STAB2: variants seen among roughly 807,000 people sequenced by gnomAD.
STAB2 encodes the protein stabilin-2.
STAB2 carries 288 observed loss-of-function variants against 338.1 expected under a neutral mutation model. The observed-to-expected ratio is 0.85, with a 90% CI of 0.77 to 0.94. The LOEUF is 0.94. Ranked by LOEUF, STAB2 falls within the 40% of genes least tolerant of loss-of-function variation. The pLI is 0.00. For missense variants in STAB2, 3,141 were observed against 3,210.1 expected, an observed-to-expected ratio of 0.98 and a Z score of 0.52; for synonymous variants, 1,202 against 1,193.3, an observed-to-expected ratio of 1.01 and a Z score of -0.15.
intron 35 of STAB2, among the ~76,000 whole-genome samples, chr12:103,704,225 A>G (rs145703383): frequency 6.6e-6 from 1 of 152,360 alleles, no homozygotes; most frequent in African/African-American, 2.4e-5. Flanking sequence ...GAAGCTGGGC[A>G]CTGGGTACAG....
At chr12:103,742,619 A>G (rs1882678317) in intron 56 of STAB2, 65 bp downstream of exon 56, 6 of 1,603,094 alleles carry the variant, frequency 3.7e-6, no homozygotes, top group East Asian at 2.2e-5. Context: ...GTCCTTGTTC[A>G]TGCCATCTGC....
Position 103,750,705 on chromosome 12 carries a change from G to C in STAB2, c.6565G>C (p.Asp2189His). ...GTGCCATGCAGACGCCAAATGTGTC[G>C]ACCTCCACTTCCAGGGTTAGTGTGA... Reference protein sequence around the residue: ...GQCHADAKCVDLHFQDTTVGV... With the variant: ...GQCHADAKCVHLHFQDTTVGV... Residue 2189 changes from aspartate (D) to histidine (H), a missense_variant, in exon 60 of 69, where the codon GAC (aspartate) becomes CAC (histidine). Transcript: ENST00000388887. 6.2e-7 allele frequency: 1 copy of C among 1,613,598 alleles called. No individual in the cohort carries two copies. The highest frequency in any genetic ancestry group is 8.5e-7 in the Non-Finnish European group (1 of 1,179,588).
chr12:103,694,619 C>G (rs1452879720), intron 31 of STAB2, among the ~76,000 whole-genome samples: 1 of 152,062 alleles, frequency 6.6e-6, no homozygotes, highest in Non-Finnish European at 1.5e-5. Flanking sequence ...CTGGATTGGG[C>G]TTTCTACTGT....
intron 55 of STAB2, 66 bp downstream of exon 55, chr12:103,740,822 C>A: frequency 6.7e-7 from 1 of 1,490,922 alleles, no homozygotes; most frequent in Non-Finnish European, 8.9e-7. Flanking sequence ...GTTGTCCAGT[C>A]TTTGAATGTA....
chr12:103,746,989 G>T (rs1236608531), intron 58 of STAB2, among the ~76,000 whole-genome samples: 2 of 122,334 alleles, frequency 1.6e-5, no homozygotes, highest in Non-Finnish European at 3.2e-5. Flanking sequence ...GGACTTTCAC[G>T]CTTGTTGCCC....
intron 5 of STAB2, 87 bp from the exon 6 acceptor site, chr12:103,631,511 C>A (rs1957461767): frequency 7.7e-7 from 1 of 1,307,090 alleles, no homozygotes; most frequent in Non-Finnish European, 1.1e-6. Context: ...AGAGTCTCAG[C>A]AAAGATGATC....
intron 25 of STAB2, among the ~76,000 whole-genome samples, chr12:103,678,024 A>G (rs703647): frequency 0.63 from 96,223 of 151,922 alleles, 30,559 homozygotes; most frequent in East Asian, 0.81. Flanking sequence ...CAGGGGAGGG[A>G]CTACCAACTA....
chr12:103,739,181 T>G (rs952848003), intron 53 of STAB2, among the ~76,000 whole-genome samples: 1 of 151,738 alleles, frequency 6.6e-6, no homozygotes, highest in African/African-American at 2.4e-5. Flanking sequence ...CTTGCTGTGT[T>G]GCCTAGGCTG....
intron 57 of STAB2, among the ~76,000 whole-genome samples, chr12:103,745,878 T>C (rs1882990707): frequency 6.6e-6 from 1 of 152,220 alleles, no homozygotes. Context: ...TTGCCATAGC[T>C]CGATCCTTAC....
chr12:103,699,398 A>C (rs1878673006), intron 34 of STAB2, among the ~76,000 whole-genome samples, 171 bp downstream of exon 34: 1 of 152,056 alleles, frequency 6.6e-6, no homozygotes, highest in Non-Finnish European at 1.5e-5. Context: ...GGTTTAACAG[A>C]CTCAGTTCCC....
At chr12:103,685,984 C>T (rs1026110496) in intron 27 of STAB2, among the ~76,000 whole-genome samples, 2 of 152,106 alleles carry the variant, frequency 1.3e-5, no homozygotes, top group African/African-American at 2.4e-5. Context: ...ATGTTTTTAG[C>T]TCTTGCATAT....
At chr12:103,681,912 T>G (rs1029559632) in intron 25 of STAB2, among the ~76,000 whole-genome samples, 8 of 151,994 alleles carry the variant, frequency 5.3e-5, no homozygotes, top group African/African-American at 1.9e-4. Flanking sequence ...AGGATACTGG[T>G]CTTACTGGAT....
intron 12 of STAB2, among the ~76,000 whole-genome samples, chr12:103,653,847 G>A (rs1873966473): frequency 7.2e-6 from 1 of 138,830 alleles, no homozygotes; most frequent in Non-Finnish European, 1.7e-5. Flanking sequence ...TGGGTGGATG[G>A]ATGGATGGAT....
chr12:103,625,051 A>C (rs751672749), intron 5 of STAB2, among the ~76,000 whole-genome samples: 2 of 152,142 alleles, frequency 1.3e-5, no homozygotes, highest in Non-Finnish European at 2.9e-5. Flanking sequence ...TAGAAATAGC[A>C]TGTCTCCTCC....
At chr12:103,624,917 G>A (rs1310294850) in intron 5 of STAB2, among the ~76,000 whole-genome samples, 3 of 140,368 alleles carry the variant, frequency 2.1e-5, no homozygotes, top group African/African-American at 8.1e-5. Flanking sequence ...CTCCAGCCTG[G>A]GTGACAGAGC....
At chr12:103,735,387 T>C (rs1318732412) in intron 51 of STAB2, 104 bp from the exon 52 acceptor site, 2 of 634,590 alleles carry the variant, frequency 3.2e-6, no homozygotes, top group Admixed American at 3.4e-5. Flanking sequence ...TTATAACTCG[T>C]GGAAAAATTT....
At chr12:103,636,145 C>G (rs1192714377) in intron 6 of STAB2, among the ~76,000 whole-genome samples, 2 of 151,610 alleles carry the variant, frequency 1.3e-5, no homozygotes, top group Non-Finnish European at 2.9e-5. Context: ...GTGCTGCACC[C>G]ATTAACTCGT....
At chr12:103,683,392 G>A in intron 26 of STAB2, 92 bp downstream of exon 26, 3 of 1,136,054 alleles carry the variant, frequency 2.6e-6, no homozygotes, top group East Asian at 2.6e-5. Flanking sequence ...GCCTAGTGAT[G>A]AACAAAATCT....
At chr12:103,655,719 G>A (rs1019576233) in intron 15 of STAB2, 138 bp downstream of exon 15, 6 of 1,024,804 alleles carry the variant, frequency 5.9e-6, no homozygotes, top group African/African-American at 3.2e-5. Context: ...ACCAAGGCAG[G>A]CATCACTAAT....
Sources: allele counts gnomAD v4.1 joint callset (sites outside exome capture counted in the v4.1 genomes callset), GRCh38; gene constraint gnomAD v4.1.1; transcripts MANE v1.5; gene names NCBI Gene and HGNC (gene_info 2026-07-23, HGNC 2026-07-21).